Variants in MBNL1 observed in about 807,000 individuals in gnomAD.
MBNL1 encodes the protein muscleblind-like protein 1.
MBNL1 carries 8 observed loss-of-function variants against 42.2 expected under a neutral mutation model. That is an observed-to-expected ratio of 0.19 (90% confidence interval 0.11 to 0.34). The LOEUF is 0.34. Ranked by LOEUF, MBNL1 falls within the 10% of genes least tolerant of loss-of-function variation. The probability of loss-of-function intolerance (pLI) is 1.00; values close to 1 mark genes in which losing one functional copy is unlikely to be tolerated. For synonymous variants in MBNL1, 169 were observed against 173.9 expected (o/e 0.97, Z 0.22); for missense variants, 309 against 495.3 (o/e 0.62, Z 3.57).
intron 2 of MBNL1, among the ~76,000 whole-genome samples, chr3:152,401,751 C>A (rs1045037632): frequency 6.6e-6 from 1 of 152,038 alleles, no homozygotes; most frequent in Non-Finnish European, 1.5e-5. Context: ...TGCGGCTGGA[C>A]GTGGTGGCTC....
At chr3:152,398,108 A>G (rs1024169637) in intron 2 of MBNL1, among the ~76,000 whole-genome samples, 21 of 152,198 alleles carry the variant, frequency 1.4e-4, no homozygotes, top group African/African-American at 4.6e-4. Context: ...TTAAAAATGA[A>G]ATTTGAAATT....
chr3:152,332,428 A>G (rs2085344436), intron 2 of MBNL1, among the ~76,000 whole-genome samples: 1 of 152,224 alleles, frequency 6.6e-6, no homozygotes, highest in South Asian at 2.1e-4. Context: ...TACCCAAGAA[A>G]TTCTGCAAAA....
intron 2 of MBNL1, among the ~76,000 whole-genome samples, chr3:152,372,107 G>C (rs2153234172): frequency 6.6e-6 from 1 of 152,162 alleles, no homozygotes; most frequent in South Asian, 2.1e-4. Context: ...ATTGATACTT[G>C]TGTATGCTTC....
At chr3:152,372,593 TCC>T (rs1257358706) in intron 2 of MBNL1, among the ~76,000 whole-genome samples, 1 of 152,170 alleles carries the variant, frequency 6.6e-6, no homozygotes, top group Non-Finnish European at 1.5e-5. Flanking sequence ...GGAGGTCCAC[TCC>T]AGACCCTGTT....
At chr3:152,283,251 C>T (rs955178850) in intron 1 of MBNL1, among the ~76,000 whole-genome samples, 2 of 152,186 alleles carry the variant, frequency 1.3e-5, no homozygotes, top group Non-Finnish European at 2.9e-5. Context: ...TACCTTCTCT[C>T]TTCTGAAACC....
intron 2 of MBNL1, among the ~76,000 whole-genome samples, chr3:152,323,735 G>A (rs73009919): frequency 2.6e-5 from 4 of 152,252 alleles, no homozygotes; most frequent in African/African-American, 9.6e-5. Context: ...ATTGTGTTGT[G>A]CTATGAGGTT....
chr3:152,301,257 T>G (rs1374054019), intron 2 of MBNL1, among the ~76,000 whole-genome samples: 1 of 152,198 alleles, frequency 6.6e-6, no homozygotes, highest in East Asian at 1.9e-4. Flanking sequence ...AATATCTTTA[T>G]TTTGACACAC....
At chr3:152,371,876 A>G (rs2096678044) in intron 2 of MBNL1, among the ~76,000 whole-genome samples, 1 of 152,050 alleles carries the variant, frequency 6.6e-6, no homozygotes, top group African/African-American at 2.4e-5. Flanking sequence ...GTTCTCCTGG[A>G]TAATATCCTG....
chr3:152,359,509 A>G (rs1349649102), intron 2 of MBNL1, among the ~76,000 whole-genome samples: 2 of 152,192 alleles, frequency 1.3e-5, no homozygotes, highest in Non-Finnish European at 2.9e-5. Flanking sequence ...TGCAGGCACT[A>G]ATATCACAGA....
At chr3:152,376,809 C>A (rs1444134680) in intron 2 of MBNL1, among the ~76,000 whole-genome samples, 1 of 152,178 alleles carries the variant, frequency 6.6e-6, no homozygotes, top group African/African-American at 2.4e-5. Context: ...CATGCGCACA[C>A]ACACACATAC....
intron 5 of MBNL1, 131 bp downstream of exon 5, chr3:152,445,670 C>T: frequency 1.1e-6 from 1 of 908,962 alleles, no homozygotes; most frequent in Non-Finnish European, 1.6e-6. Flanking sequence ...TTCAGGTATC[C>T]CAGACAATAT....
chr3:152,427,620 CT>C (rs1438440530), intron 3 of MBNL1, among the ~76,000 whole-genome samples: 2 of 152,016 alleles, frequency 1.3e-5, no homozygotes, highest in Non-Finnish European at 2.9e-5. Flanking sequence ...GCTTTTGGCA[CT>C]GTTTATATTC....
rs1268481415 is a variant in MBNL1 at position 152,457,734 on chromosome 3, A to G, written c.1092+1373A>G. On this transcript the variant is annotated intron_variant, in intron 8 of 9. Transcript: ENST00000324210. ...ATGATGGATTCAATACAATCCATCT[A>G]TGGTGCAAATCAATGATAAAGAACT... is the stretch of plus-strand genomic sequence containing the variant. The G allele has an allele frequency of 1.7e-5, 3 of 177,302 alleles. No homozygotes were observed. The East Asian group carries it at 4.3e-4, about 25-fold the overall frequency. The allele number at this position is 177,302 out of a possible 1,614,324, so 11.0% of individuals were successfully genotyped here. A position where few individuals can be genotyped will look rare whatever the true frequency, so the allele number is the denominator to read the frequency against.
intron 2 of MBNL1, among the ~76,000 whole-genome samples, chr3:152,324,369 TC>T (rs1485811426): frequency 2.0e-5 from 3 of 152,196 alleles, no homozygotes; most frequent in Non-Finnish European, 4.4e-5. Flanking sequence ...TTACTTGTTA[TC>T]TTCCTGGTCA....
intron 2 of MBNL1, among the ~76,000 whole-genome samples, chr3:152,351,617 A>G (rs2094999596): frequency 6.6e-6 from 1 of 152,162 alleles, no homozygotes; most frequent in African/African-American, 2.4e-5. Flanking sequence ...ATGTGTAAAC[A>G]CTTATAGGAG....
At chr3:152,330,064 T>G (rs1449684616) in intron 2 of MBNL1, among the ~76,000 whole-genome samples, 1 of 152,166 alleles carries the variant, frequency 6.6e-6, no homozygotes, top group Non-Finnish European at 1.5e-5. Flanking sequence ...GGTAGTCTCA[T>G]TAATCCCTAG....
At chr3:152,376,429 A>T (rs2096903096) in intron 2 of MBNL1, among the ~76,000 whole-genome samples, 1 of 152,140 alleles carries the variant, frequency 6.6e-6, no homozygotes, top group South Asian at 2.1e-4. Context: ...TTCTCTTCAT[A>T]GTTAGACTCT....
Position 152,463,610 on chromosome 3 carries a change from T to A in MBNL1, c.*1244T>A, listed in dbSNP as rs568829024. The A allele has an allele frequency of 6.6e-6, 1 of 152,482 alleles. No individual in the cohort carries two copies. Among genetic ancestry groups the A allele is most frequent in the South Asian group, 2.1e-4 (1 of 4,828 alleles). 9.4% of individuals were successfully genotyped at this position (152,482 alleles called of 1,614,324 possible). ...TAATTGGGTGGGTTAAGTACATGGG[T>A]GAATTTTATATGTGATTTTTGTTTT... On this transcript the variant is annotated 3_prime_UTR_variant, in exon 10 of 10. Coordinates refer to ENST00000324210, the MANE Select transcript of MBNL1 (RefSeq NM_021038.5).
At chr3:152,427,750 T>TA (rs2098952351) in intron 3 of MBNL1, among the ~76,000 whole-genome samples, 1 of 150,360 alleles carries the variant, frequency 6.7e-6, no homozygotes, top group Non-Finnish European at 1.5e-5. Context: ...ATTTTTAAAA[T>TA]AAAAATTTTA....
Sources: allele counts gnomAD v4.1 joint callset (sites outside exome capture counted in the v4.1 genomes callset), GRCh38; gene constraint gnomAD v4.1.1; transcripts MANE v1.5; gene names NCBI Gene and HGNC (gene_info 2026-07-23, HGNC 2026-07-21).